Variants in HS6ST3 observed in about 807,000 individuals in gnomAD.
The protein encoded by HS6ST3 is heparan-sulfate 6-O-sulfotransferase 3.
Under a neutral mutation model 36.7 loss-of-function variants are expected in HS6ST3, and 12 were observed. The ratio of observed to expected loss-of-function variants is 0.33; its 90% CI spans 0.21 to 0.53. The LOEUF (loss-of-function observed/expected upper bound fraction) is 0.53, where lower values mean the gene tolerates loss of function less well. Among genes scored for constraint, HS6ST3 ranks in the 20% least tolerant of loss-of-function variants. The pLI is 0.95. For synonymous variants in HS6ST3, 240 were observed against 257.5 expected (o/e 0.93, Z 0.65); for missense variants, 584 against 640.9 (o/e 0.91, Z 0.96).
intron 1 of HS6ST3, among the ~76,000 whole-genome samples, chr13:96,576,552 A>C (rs912560182): frequency 1.3e-5 from 2 of 152,174 alleles, no homozygotes; most frequent in African/African-American, 4.8e-5. Flanking sequence ...AAAGCAAAAA[A>C]ATATTGCTAA....
At chr13:96,343,714 C>A (rs529522439) in intron 1 of HS6ST3, among the ~76,000 whole-genome samples, 2 of 152,066 alleles carry the variant, frequency 1.3e-5, no homozygotes, top group South Asian at 4.2e-4. Context: ...TTATTTCCTG[C>A]CACTCCTTAA....
intron 1 of HS6ST3, among the ~76,000 whole-genome samples, chr13:96,263,971 T>C (rs937977513): frequency 6.6e-6 from 1 of 152,062 alleles, no homozygotes; most frequent in Non-Finnish European, 1.5e-5. Flanking sequence ...CCTGGCCTCC[T>C]GGGTTGTGGG....
chr13:96,535,293 A>G lies in HS6ST3; in HGVS notation c.708-297197A>G, dbSNP rs2056150959. Among the ~76,000 whole-genome samples the G allele has an allele frequency of 2.0e-5, 3 of 152,120 alleles. No homozygotes were observed. In the South Asian group the frequency reaches 6.2e-4, roughly 31 times the overall value. Reference sequence around the variant, plus strand: ...GAATCTTGGCCGGGCATGGTGGCTCATGCCTGTAATCCCTGCACTTTGGGA... The same window carrying G: ...GAATCTTGGCCGGGCATGGTGGCTCGTGCCTGTAATCCCTGCACTTTGGGA... On this transcript the variant is annotated intron_variant, in intron 1 of 1. Transcript: ENST00000376705.
intron 1 of HS6ST3, among the ~76,000 whole-genome samples, chr13:96,798,219 A>C (rs1011524159): frequency 6.6e-6 from 1 of 152,072 alleles, no homozygotes; most frequent in Non-Finnish European, 1.5e-5. Flanking sequence ...ACCACCCTCC[A>C]GGAACCTCGT....
chr13:96,333,362 C>T (rs1442202462), intron 1 of HS6ST3, among the ~76,000 whole-genome samples: 1 of 152,148 alleles, frequency 6.6e-6, no homozygotes, highest in Non-Finnish European at 1.5e-5. Context: ...TGTGTTCTTT[C>T]CTGGAAGATC....
At chr13:96,610,054 G>A (rs947042956) in intron 1 of HS6ST3, among the ~76,000 whole-genome samples, 5 of 152,114 alleles carry the variant, frequency 3.3e-5, no homozygotes, top group African/African-American at 1.2e-4. Context: ...GAGGATCTCA[G>A]AAAACAGATT....
chr13:96,148,275 G>A (rs2054067604), intron 1 of HS6ST3, among the ~76,000 whole-genome samples: 1 of 152,172 alleles, frequency 6.6e-6, no homozygotes, highest in Non-Finnish European at 1.5e-5. Flanking sequence ...AGAACCTACT[G>A]ATGACATTGA....
chr13:96,242,089 G>T (rs1218272207), intron 1 of HS6ST3, among the ~76,000 whole-genome samples: 1 of 151,910 alleles, frequency 6.6e-6, no homozygotes, highest in Admixed American at 6.5e-5. Flanking sequence ...CTGGCCTGAT[G>T]TAACATTTTC....
rs137968216 is a variant in HS6ST3 at position 96,609,831 on chromosome 13, C to T, written c.708-222659C>T. Among the ~76,000 whole-genome samples the T allele has an allele frequency of 1.6e-3, 250 of 152,284 alleles. 1 individual carries two copies. Among genetic ancestry groups the T allele is most frequent in the African/African-American group, 5.9e-3 (246 of 41,544 alleles). ...ATTGAAAATATATTAAACTTTAATG[C>T]TTCTGATAATATTTGATGATGGAAA... On this transcript the variant is annotated intron_variant, in intron 1 of 1. Coordinates refer to ENST00000376705, the MANE Select transcript of HS6ST3 (RefSeq NM_153456.4).
At chr13:96,332,792 GAAACACATAAT>G (rs2055078632) in intron 1 of HS6ST3, among the ~76,000 whole-genome samples, 1 of 152,192 alleles carries the variant, frequency 6.6e-6, no homozygotes, top group African/African-American at 2.4e-5. Context: ...ATGTTCATCA[GAAACACATAAT>G]ACATTGTCCT....
chr13:96,365,617 G>A (rs2055259222), intron 1 of HS6ST3, among the ~76,000 whole-genome samples: 2 of 152,030 alleles, frequency 1.3e-5, no homozygotes, highest in Admixed American at 6.5e-5. Flanking sequence ...GAAAACTCTT[G>A]TGTCAACTGT....
chr13:96,362,431 G>A (rs1470327292), intron 1 of HS6ST3, among the ~76,000 whole-genome samples: 2 of 152,028 alleles, frequency 1.3e-5, no homozygotes, highest in Non-Finnish European at 2.9e-5. Context: ...ATAACAAATC[G>A]ACTCAAACAC....
At chr13:96,649,373 T>G (rs1248095200) in intron 1 of HS6ST3, among the ~76,000 whole-genome samples, 1 of 151,962 alleles carries the variant, frequency 6.6e-6, no homozygotes, top group Non-Finnish European at 1.5e-5. Flanking sequence ...CTCACTATCA[T>G]GAGAATACCA....
intron 1 of HS6ST3, among the ~76,000 whole-genome samples, chr13:96,799,547 C>A (rs375782246): frequency 6.7e-6 from 1 of 150,104 alleles, no homozygotes; most frequent in African/African-American, 2.5e-5. Context: ...AACCAAACAC[C>A]GCATATTCTC....
At chr13:96,128,646 C>T (rs923264376) in intron 1 of HS6ST3, among the ~76,000 whole-genome samples, 14 of 152,166 alleles carry the variant, frequency 9.2e-5, no homozygotes, top group African/African-American at 3.1e-4. Context: ...TGCAGTCTCT[C>T]TGCATCTCCT....
intron 1 of HS6ST3, among the ~76,000 whole-genome samples, chr13:96,459,100 TAA>T (rs747439262): frequency 7.0e-4 from 45 of 63,882 alleles, no homozygotes; most frequent in East Asian, 6.1e-3. Flanking sequence ...CAAGACTGTC[TAA>T]AAAAAAAAAA....
At chr13:96,345,085 A>G (rs142652988) in intron 1 of HS6ST3, among the ~76,000 whole-genome samples, 268 of 152,348 alleles carry the variant, frequency 1.8e-3, no homozygotes, top group African/African-American at 6.2e-3. Context: ...TTAAGGCAGC[A>G]TTTGAGAAAC....
intron 1 of HS6ST3, among the ~76,000 whole-genome samples, chr13:96,460,689 A>G (rs2055779747): frequency 1.3e-5 from 2 of 152,282 alleles, no homozygotes; most frequent in African/African-American, 4.8e-5. Flanking sequence ...AAACTGTGGG[A>G]GGCCATTACT....
rs1016248221 is a variant in HS6ST3, at chr13:96,266,621, A to G, written c.707+175052A>G. Reference sequence around the variant, plus strand: ...CTGGGAGACCCAATTTTAGATTTGCACTAATTCCCATTTTGACTGTGGGTA... The same window carrying G: ...CTGGGAGACCCAATTTTAGATTTGCGCTAATTCCCATTTTGACTGTGGGTA... On this transcript the variant is annotated intron_variant, in intron 1 of 1. Transcript: ENST00000376705. Among the ~76,000 whole-genome samples the G allele has an allele frequency of 5.3e-5, 8 of 152,156 alleles. No individual in the cohort carries two copies. The South Asian group carries it at 6.2e-4, about 12-fold the overall frequency.
Sources: gnomAD v4.1 joint callset for allele counts (sites outside exome capture counted in the v4.1 genomes callset) on GRCh38, gnomAD v4.1.1 for gene constraint, MANE v1.5 for transcripts, NCBI Gene and HGNC (gene_info 2026-07-23, HGNC 2026-07-21) for gene names.